Variants in CNTNAP5 observed in about 807,000 individuals in gnomAD.
CNTNAP5 encodes the protein contactin associated protein family member 5.
CNTNAP5 carries 72 observed loss-of-function variants against 150.2 expected under a neutral mutation model. The ratio of observed to expected loss-of-function variants is 0.48; its 90% CI spans 0.40 to 0.58. The LOEUF (loss-of-function observed/expected upper bound fraction) is 0.58. Among genes scored for constraint, CNTNAP5 ranks in the 20% least tolerant of loss-of-function variants. The pLI, the probability that CNTNAP5 is intolerant of heterozygous loss-of-function variation, is 0.00. For missense variants in CNTNAP5, 1,636 were observed against 1,626.2 expected (o/e 1.01, Z -0.10); for synonymous variants, 672 against 619.8 (o/e 1.08, Z -1.25).
Position 124,869,669 on chromosome 2 carries a change from C to T in CNTNAP5, c.3349-6C>T, listed in dbSNP as rs776914561. 1.9e-6 allele frequency: 3 copies of T among 1,604,020 alleles called. No homozygotes were observed. In the East Asian group the frequency reaches 6.7e-5, roughly 36 times the overall value. On this transcript the variant is annotated splice_region_variant and splice_polypyrimidine_tract_variant and intron_variant, in intron 20 of 23. Coordinates refer to ENST00000682447, the MANE Select transcript of CNTNAP5 (RefSeq NM_001367498.1). ...TGATGTGCCTTTGTTTTCTGTTTTC[C>T]TGCAGATGGACCAGCAACTTCGACT...
At chr2:124,140,294 A>C in intron 1 of CNTNAP5, among the ~76,000 whole-genome samples, 1 of 151,748 alleles carries the variant, frequency 6.6e-6, no homozygotes, top group East Asian at 2.0e-4. Flanking sequence ...ACCACAGCTC[A>C]AGGAGGCCTG....
At chr2:124,326,740 C>T (rs1243625056) in intron 3 of CNTNAP5, among the ~76,000 whole-genome samples, 2 of 152,010 alleles carry the variant, frequency 1.3e-5, no homozygotes, top group Admixed American at 1.3e-4. Context: ...GCCTGGGCAA[C>T]ATGGCGAACC....
intron 3 of CNTNAP5, among the ~76,000 whole-genome samples, chr2:124,341,935 C>T (rs1689628604): frequency 6.6e-6 from 1 of 152,022 alleles, no homozygotes; most frequent in Non-Finnish European, 1.5e-5. Context: ...TATCTCAAGT[C>T]AGAAAATTGG....
At chr2:124,343,980 C>G (rs1006819659) in intron 3 of CNTNAP5, among the ~76,000 whole-genome samples, 3 of 152,070 alleles carry the variant, frequency 2.0e-5, no homozygotes, top group Non-Finnish European at 1.5e-5. Context: ...CTTGTTGAAA[C>G]TAATCTATCC....
chr2:124,302,025 A>G (rs1309486680), intron 3 of CNTNAP5, among the ~76,000 whole-genome samples: 1 of 152,194 alleles, frequency 6.6e-6, no homozygotes, highest in African/African-American at 2.4e-5. Context: ...AGAGGAAAAG[A>G]CCCTAAGATG....
intron 13 of CNTNAP5, among the ~76,000 whole-genome samples, chr2:124,684,028 G>A (rs1169681493): frequency 6.6e-6 from 1 of 152,110 alleles, no homozygotes; most frequent in Non-Finnish European, 1.5e-5. Context: ...CAAAGGATAA[G>A]GTTTATCTTC....
intron 7 of CNTNAP5, among the ~76,000 whole-genome samples, chr2:124,480,653 C>T (rs760902387): frequency 3.2e-4 from 49 of 152,274 alleles, no homozygotes; most frequent in Non-Finnish European, 5.1e-4. Flanking sequence ...AGCTTGTTTC[C>T]GGGATCATGT....
At chr2:124,635,563 G>A (rs949374810) in intron 12 of CNTNAP5, among the ~76,000 whole-genome samples, 1 of 152,184 alleles carries the variant, frequency 6.6e-6, no homozygotes, top group Non-Finnish European at 1.5e-5. Context: ...TTCCCTGGGT[G>A]TTCTGATGGT....
chr2:124,336,380 T>A (rs577201801), intron 3 of CNTNAP5, among the ~76,000 whole-genome samples: 1 of 152,174 alleles, frequency 6.6e-6, no homozygotes, highest in Non-Finnish European at 1.5e-5. Context: ...GGTTTTCTTT[T>A]TTTTTCATTA....
At chr2:124,056,578 G>A (rs545126841) in intron 1 of CNTNAP5, among the ~76,000 whole-genome samples, 89 of 152,260 alleles carry the variant, frequency 5.8e-4, no homozygotes, top group Admixed American at 9.8e-4. Flanking sequence ...CATGGGAGGC[G>A]GAGCTTGCAA....
At chr2:124,265,677 G>A (rs1573877532) in intron 3 of CNTNAP5, among the ~76,000 whole-genome samples, 1 of 152,032 alleles carries the variant, frequency 6.6e-6, no homozygotes, top group African/African-American at 2.4e-5. Context: ...TAATTCATGG[G>A]TAAAGGATTC....
intron 11 of CNTNAP5, among the ~76,000 whole-genome samples, chr2:124,573,560 G>A (rs1460911130): frequency 2.0e-5 from 3 of 152,188 alleles, no homozygotes; most frequent in Non-Finnish European, 4.4e-5. Flanking sequence ...AATTGCTGAT[G>A]TTGCTTCCAT....
chr2:124,048,331 C>A (rs1205259325), intron 1 of CNTNAP5, among the ~76,000 whole-genome samples: 1 of 152,242 alleles, frequency 6.6e-6, no homozygotes, highest in Non-Finnish European at 1.5e-5. Flanking sequence ...AATGTGAGTT[C>A]TTTTCTTCCT....
chr2:124,601,700 C>A (rs140508862), intron 11 of CNTNAP5, among the ~76,000 whole-genome samples: 12 of 146,568 alleles, frequency 8.2e-5, no homozygotes, highest in South Asian at 2.2e-4. Flanking sequence ...AGGAAAAAAA[C>A]CAATCTTCTA....
intron 11 of CNTNAP5, among the ~76,000 whole-genome samples, chr2:124,593,053 A>G (rs1406741910): frequency 2.6e-5 from 4 of 151,446 alleles, no homozygotes; most frequent in South Asian, 2.1e-4. Flanking sequence ...TCTAATTTAC[A>G]TAGAAATTCA....
chr2:124,122,213 T>G (rs558236856), intron 1 of CNTNAP5, among the ~76,000 whole-genome samples: 1 of 152,288 alleles, frequency 6.6e-6, no homozygotes, highest in Admixed American at 6.5e-5. Flanking sequence ...CCAGCTATAT[T>G]TAGACAGCCA....
intron 1 of CNTNAP5, among the ~76,000 whole-genome samples, chr2:124,194,836 TA>T (rs569009816): frequency 6.6e-6 from 1 of 151,768 alleles, no homozygotes; most frequent in Non-Finnish European, 1.5e-5. Flanking sequence ...ATTTATCTTC[TA>T]AAAAAACGTT....
chr2:124,122,792 A>ACACACC lies in CNTNAP5; in HGVS notation c.82+97061_82+97062insACACCC, dbSNP rs1553439314. Among the ~76,000 whole-genome samples, 160 of 113,444 alleles carry ACACACC rather than the reference A, an allele frequency of 1.4e-3. 1 individual carries two copies. The highest frequency in any genetic ancestry group is 7.9e-3 in the South Asian group (28 of 3,558). 74.4% of individuals were successfully genotyped at this position (113,444 alleles called of 152,430 possible). A position where few individuals can be genotyped will look rare whatever the true frequency, so the allele number is the denominator to read the frequency against. On this transcript the variant is annotated intron_variant, in intron 1 of 23. Transcript: ENST00000682447. The stretch of plus-strand genomic sequence containing the variant: ...CACACACACACACACACACACACAC[A>ACACACC]CCCACACCTTTTCCCAGCTAACAGG...
intron 3 of CNTNAP5, among the ~76,000 whole-genome samples, chr2:124,413,294 C>T (rs374304759): frequency 4.6e-5 from 7 of 151,490 alleles, no homozygotes; most frequent in South Asian, 2.1e-4. Flanking sequence ...GACTGTAAAC[C>T]AGTTCAACCA....
Sources: allele counts gnomAD v4.1 joint callset (sites outside exome capture counted in the v4.1 genomes callset), GRCh38; gene constraint gnomAD v4.1.1; transcripts MANE v1.5; gene names NCBI Gene and HGNC (gene_info 2026-07-23, HGNC 2026-07-21).